DLGAP2: variants seen among roughly 807,000 people sequenced by gnomAD.
DLGAP2 encodes the protein DLG associated protein 2.
In DLGAP2, 26 loss-of-function variants were observed where a neutral mutation model predicts 100.3. That is an observed-to-expected ratio of 0.26 (90% CI 0.19 to 0.36). The LOEUF is 0.36. Ranked by LOEUF, DLGAP2 falls within the 10% of genes least tolerant of loss-of-function variation. DLGAP2 has a pLI of 1.00. For synonymous variants in DLGAP2, 886 were observed against 630.1 expected, an observed-to-expected ratio of 1.41 and a Z score of -6.08; for missense variants, 1,858 against 1,453.2, an observed-to-expected ratio of 1.28 and a Z score of -4.53.
At chr8:1,360,524 G>A (rs1801959620) in intron 3 of DLGAP2, among the ~76,000 whole-genome samples, 1 of 152,098 alleles carries the variant, frequency 6.6e-6, no homozygotes, top group Non-Finnish European at 1.5e-5. Context: ...GTTTGCCCTC[G>A]AGGGGCAGCA....
intron 2 of DLGAP2, among the ~76,000 whole-genome samples, chr8:1,145,391 C>T (rs991846963): frequency 2.0e-5 from 3 of 152,188 alleles, no homozygotes; most frequent in Non-Finnish European, 2.9e-5. Flanking sequence ...ACTCGCCCAG[C>T]GTGGGGCCTG....
chr8:1,355,528 C>T (rs1310366673), intron 3 of DLGAP2, among the ~76,000 whole-genome samples: 1 of 151,780 alleles, frequency 6.6e-6, no homozygotes, highest in Non-Finnish European at 1.5e-5. Context: ...CCATGCTTGG[C>T]TAATTTTTGT....
intron 2 of DLGAP2, among the ~76,000 whole-genome samples, chr8:1,108,691 G>T: frequency 6.9e-6 from 1 of 144,996 alleles, no homozygotes; most frequent in South Asian, 2.3e-4. Flanking sequence ...TGTGAGGTGT[G>T]CATGGGTCTG....
At chr8:848,350 ACGTGCGGTGCCTGTTCCAGTGTAGGGT>A (rs1797111353) in intron 1 of DLGAP2, among the ~76,000 whole-genome samples, 7 of 103,408 alleles carry the variant, frequency 6.8e-5, no homozygotes, top group South Asian at 3.5e-4. Context: ...CAGTATAGGA[ACGTGCGGTGCCTGTTCCAGTGTAGGGT>A]CGTGCGGTGC....
At chr8:1,457,613 G>A (rs567606586) in intron 3 of DLGAP2, among the ~76,000 whole-genome samples, 3 of 152,166 alleles carry the variant, frequency 2.0e-5, no homozygotes, top group South Asian at 2.1e-4. Flanking sequence ...ACTGATATCT[G>A]GTATTTACTA....
intron 3 of DLGAP2, among the ~76,000 whole-genome samples, chr8:1,464,944 AAC>A (rs1798582057): frequency 6.6e-6 from 1 of 152,224 alleles, no homozygotes; most frequent in South Asian, 2.1e-4. Flanking sequence ...TGTGAGGGAA[AAC>A]ACACCACAGT....
intron 13 of DLGAP2, among the ~76,000 whole-genome samples, chr8:1,696,019 A>G (rs895469207): frequency 6.6e-6 from 1 of 152,210 alleles, no homozygotes; most frequent in Admixed American, 6.5e-5. Flanking sequence ...TGGGGGCCCC[A>G]GGTCCTGGCT....
chr8:1,126,814 G>A (rs2129048463), intron 2 of DLGAP2, among the ~76,000 whole-genome samples: 1 of 152,170 alleles, frequency 6.6e-6, no homozygotes, highest in Admixed American at 6.5e-5. Context: ...ACTCCCACGG[G>A]CTCTGGAAGG....
At chr8:1,215,172 G>C (rs1263922641) in intron 2 of DLGAP2, among the ~76,000 whole-genome samples, 2 of 152,200 alleles carry the variant, frequency 1.3e-5, no homozygotes, top group African/African-American at 2.4e-5. Context: ...TTAATGGAGT[G>C]TCTCATTTTT....
chr8:946,223 T>G (rs1442802652), intron 2 of DLGAP2, among the ~76,000 whole-genome samples: 2 of 151,974 alleles, frequency 1.3e-5, no homozygotes, highest in African/African-American at 4.8e-5. Context: ...TATTGGCATT[T>G]GTCTGAGTAA....
chr8:1,295,484 G>A (rs1386815917), intron 3 of DLGAP2, among the ~76,000 whole-genome samples: 1 of 152,122 alleles, frequency 6.6e-6, no homozygotes, highest in Non-Finnish European at 1.5e-5. Flanking sequence ...TCAGCGGGAA[G>A]CACACTCTCT....
intron 3 of DLGAP2, among the ~76,000 whole-genome samples, chr8:1,379,116 G>C (rs181301608): frequency 2.5e-3 from 387 of 152,384 alleles, no homozygotes; most frequent in African/African-American, 8.8e-3. Context: ...TGCACAGCTA[G>C]GTGAGGAGAC....
At chr8:1,145,498 C>T (rs374703642) in intron 2 of DLGAP2, among the ~76,000 whole-genome samples, 20 of 152,300 alleles carry the variant, frequency 1.3e-4, no homozygotes, top group East Asian at 7.7e-4. Flanking sequence ...TCCATTGCAA[C>T]GTCAACAGAC....
At chr8:1,553,091 G>A (rs1801826068) in intron 5 of DLGAP2, among the ~76,000 whole-genome samples, 1 of 152,070 alleles carries the variant, frequency 6.6e-6, no homozygotes, top group Non-Finnish European at 1.5e-5. Flanking sequence ...CGCCTCCCCG[G>A]GAAGGCTCCT....
At chr8:1,053,864 G>C (rs1200868215) in intron 2 of DLGAP2, among the ~76,000 whole-genome samples, 3 of 152,074 alleles carry the variant, frequency 2.0e-5, no homozygotes, top group Non-Finnish European at 4.4e-5. Context: ...TGCTAGTTAT[G>C]GTAACCTTTT....
intron 1 of DLGAP2, among the ~76,000 whole-genome samples, chr8:769,326 C>T (rs1028383950): frequency 4.6e-5 from 7 of 151,896 alleles, no homozygotes; most frequent in Admixed American, 2.6e-4. Context: ...AGCAGAAAAA[C>T]GCTAACAAGA....
chr8:862,222 C>T (rs181696113), intron 1 of DLGAP2, among the ~76,000 whole-genome samples: 31 of 152,042 alleles, frequency 2.0e-4, no homozygotes, highest in Non-Finnish European at 3.2e-4. Flanking sequence ...CAGATTCCCA[C>T]GTGTCCTGTG....
intron 2 of DLGAP2, among the ~76,000 whole-genome samples, chr8:1,093,177 G>A (rs868679159): frequency 6.6e-6 from 1 of 152,172 alleles, no homozygotes; most frequent in East Asian, 1.9e-4. Flanking sequence ...TTCACCCACA[G>A]TCCACCAATC....
intron 1 of DLGAP2, among the ~76,000 whole-genome samples, chr8:795,366 G>A (rs988691039): frequency 6.6e-6 from 1 of 152,162 alleles, no homozygotes; most frequent in Non-Finnish European, 1.5e-5. Context: ...TCTCTAACAC[G>A]TGTTTTCTCT....
Sources: allele counts gnomAD v4.1 joint callset (sites outside exome capture counted in the v4.1 genomes callset), GRCh38; gene constraint gnomAD v4.1.1; transcripts MANE v1.5; gene names NCBI Gene and HGNC (gene_info 2026-07-23, HGNC 2026-07-21).